Variants in GTF2IRD1 observed in about 807,000 individuals in gnomAD.
The protein encoded by GTF2IRD1 is GTF2I repeat domain containing 1.
In GTF2IRD1, 26 loss-of-function variants were observed where a neutral mutation model predicts 113.2. That is an observed-to-expected ratio of 0.23 (90% CI 0.17 to 0.32). The LOEUF is 0.32. Ranked by LOEUF, GTF2IRD1 falls within the 10% of genes least tolerant of loss-of-function variation. The probability of loss-of-function intolerance (pLI) is 1.00; values close to 1 mark genes in which losing one functional copy is unlikely to be tolerated. For synonymous variants in GTF2IRD1, 484 were observed against 529.1 expected, an observed-to-expected ratio of 0.91 and a Z score of 1.17; for missense variants, 864 against 1,280.8, an observed-to-expected ratio of 0.67 and a Z score of 4.97.
At chr7:74,477,767 C>T (rs1481362424) in intron 1 of GTF2IRD1, among the ~76,000 whole-genome samples, 2 of 150,494 alleles carry the variant, frequency 1.3e-5, no homozygotes, top group Non-Finnish European at 3.0e-5. Flanking sequence ...CCGGCTCAGG[C>T]GGGCAGGGCT....
At position 74,555,055 on chromosome 7, in the gene GTF2IRD1, T is replaced by C; in HGVS notation, c.1917-119T>C. On this transcript the variant is annotated intron_variant, in intron 17 of 26. Coordinates refer to ENST00000424337, the MANE Select transcript of GTF2IRD1 (RefSeq NM_005685.4). This position sits in a 1 kb window ranked among gnomAD's most constrained non-coding sequence, Gnocchi z 5.3. ...GGCGGCAGGGACTCCAGGCCTGAAC[T>C]ATGCATAGCCAGAAGGGTCCATTGC... 1.1e-6 allele frequency: 1 copy of C among 888,010 alleles called. No homozygotes were observed. Among genetic ancestry groups the C allele is most frequent in the South Asian group, 1.7e-5 (1 of 60,026 alleles). The allele number at this position is 888,010 out of a possible 1,614,324, so 55.0% of individuals were successfully genotyped here. A position where few individuals can be genotyped will look rare whatever the true frequency, so the allele number is the denominator to read the frequency against.
At chr7:74,556,612 G>A (rs1799610904) in intron 19 of GTF2IRD1, among the ~76,000 whole-genome samples, 2 of 140,630 alleles carry the variant, frequency 1.4e-5, no homozygotes, top group African/African-American at 5.3e-5. Context: ...ATGAACCACT[G>A]CACCCAGCTT....
intron 11 of GTF2IRD1, 23 bp downstream of exon 11, chr7:74,536,298 G>A (rs371585981): frequency 3.0e-5 from 44 of 1,462,188 alleles, no homozygotes; most frequent in Middle Eastern, 1.8e-4. Flanking sequence ...CCCTGGCCCC[G>A]GAGGCCCGCG....
At chr7:74,575,892 A>T (rs1554364406) in intron 22 of GTF2IRD1, among the ~76,000 whole-genome samples, 1 of 152,086 alleles carries the variant, frequency 6.6e-6, no homozygotes, top group Non-Finnish European at 1.5e-5. Flanking sequence ...AAGCCTTAAA[A>T]CAGGCCGGGT....
At position 74,535,224 on chromosome 7, in the gene GTF2IRD1, C is replaced by T. The variant is rs975282816; in HGVS notation, c.1300+86C>T. ...AGCTGCCACCACCCTGGACTTGGTC[C>T]TCCTGAGCGCCTCCCCTCAGGCAGG... On this transcript the variant is annotated intron_variant, in intron 10 of 26. Transcript: ENST00000424337. 7 of 1,037,376 alleles carry T rather than the reference C, an allele frequency of 6.7e-6. No individual in the cohort carries two copies. In the Admixed American group the frequency reaches 1.2e-4, roughly 18 times the overall value. The allele number at this position is 1,037,376 out of a possible 1,614,324, so 64.3% of individuals were successfully genotyped here.
At chr7:74,557,789 C>T in intron 20 of GTF2IRD1, 67 bp downstream of exon 20, 1 of 965,210 alleles carries the variant, frequency 1.0e-6, no homozygotes, top group East Asian at 2.5e-5. Context: ...GGAGGCTTCC[C>T]AGTTCCAGCC....
intron 1 of GTF2IRD1, among the ~76,000 whole-genome samples, chr7:74,496,580 ATGTGTGTGGGTGGG>A (rs1334080397): frequency 3.2e-5 from 3 of 93,374 alleles, no homozygotes; most frequent in African/African-American, 1.3e-4. Context: ...GTGGGTGTGC[ATGTGTGTGGGTGGG>A]TGTGGGTGTG....
At chr7:74,464,967 C>T (rs1166348429) in intron 1 of GTF2IRD1, among the ~76,000 whole-genome samples, 1 of 152,160 alleles carries the variant, frequency 6.6e-6, no homozygotes, top group Admixed American at 6.5e-5. Flanking sequence ...CCCTTGGGTG[C>T]TCCTGGGTGG....
chr7:74,562,736 T>G (rs1439510411), intron 22 of GTF2IRD1, among the ~76,000 whole-genome samples: 1 of 151,938 alleles, frequency 6.6e-6, no homozygotes. Context: ...TCCAGCTAAA[T>G]TTTTGTATTT....
At chr7:74,579,158 CA>C (rs1554365370) in intron 22 of GTF2IRD1, among the ~76,000 whole-genome samples, 1 of 152,032 alleles carries the variant, frequency 6.6e-6, no homozygotes, top group Non-Finnish European at 1.5e-5. Context: ...CCTGTCTCTA[CA>C]AAAATGTTAA....
intron 24 of GTF2IRD1, 126 bp from the exon 25 acceptor site, chr7:74,594,888 G>A: frequency 1.8e-6 from 1 of 549,542 alleles, no homozygotes; most frequent in Non-Finnish European, 3.4e-6. Context: ...GGAGGTGGAG[G>A]CTGCAGTGAG....
intron 19 of GTF2IRD1, among the ~76,000 whole-genome samples, chr7:74,556,323 CTTTG>C (rs1583876322): frequency 6.6e-6 from 1 of 151,180 alleles, no homozygotes; most frequent in Non-Finnish European, 1.5e-5. Context: ...TGGCACTTGT[CTTTG>C]TTTGTTTGTT....
At chr7:74,498,201 C>A (rs1795836578) in intron 1 of GTF2IRD1, among the ~76,000 whole-genome samples, 1 of 151,734 alleles carries the variant, frequency 6.6e-6, no homozygotes, top group South Asian at 2.1e-4. Flanking sequence ...TGATGTCTCG[C>A]TCTGTTGCCC....
At chr7:74,517,275 C>T (rs1044620948) in intron 4 of GTF2IRD1, among the ~76,000 whole-genome samples, 8 of 150,418 alleles carry the variant, frequency 5.3e-5, no homozygotes, top group East Asian at 3.9e-4. Flanking sequence ...CCACCTGCCT[C>T]GGTAATCCCA....
At chr7:74,539,759 A>AG (rs113606159) in intron 13 of GTF2IRD1, 120 bp from the exon 14 acceptor site, 3 of 639,000 alleles carry the variant, frequency 4.7e-6, no homozygotes, top group East Asian at 2.9e-5. Context: ...AAAAAAAAAA[A>AG]AGAGACAGAA....
chr7:74,497,252 T>G (rs1795784929), intron 1 of GTF2IRD1, among the ~76,000 whole-genome samples: 1 of 152,212 alleles, frequency 6.6e-6, no homozygotes, highest in Admixed American at 6.5e-5. Flanking sequence ...GAAAACAGGT[T>G]TACCAAGTGA....
rs587718550 is a variant in GTF2IRD1 at position 74,519,310 on chromosome 7, A to G, written c.606-99A>G. On this transcript the variant is annotated intron_variant, in intron 5 of 26. Coordinates refer to ENST00000424337, the MANE Select transcript of GTF2IRD1 (RefSeq NM_005685.4). Reference sequence around the variant, plus strand: ...GTCCTGCCCTCCTCATGGGGCTGTTATGTTCTGCAGAGGGCAGGGATGCGG... The same window carrying G: ...GTCCTGCCCTCCTCATGGGGCTGTTGTGTTCTGCAGAGGGCAGGGATGCGG... The G allele has an allele frequency of 3.2e-5, 24 of 748,472 alleles. No homozygotes were observed. The African/African-American group carries it at 3.6e-4, about 11-fold the overall frequency. The allele number at this position is 748,472 out of a possible 1,614,324, so 46.4% of individuals were successfully genotyped here.
chr7:74,580,904 T>C (rs1446863691), intron 22 of GTF2IRD1, among the ~76,000 whole-genome samples: 1 of 152,168 alleles, frequency 6.6e-6, no homozygotes, highest in East Asian at 1.9e-4. Flanking sequence ...CACTCTGAAA[T>C]GTTTGCAACT....
intron 22 of GTF2IRD1, among the ~76,000 whole-genome samples, chr7:74,583,998 A>AC (rs1801580007): frequency 6.6e-6 from 1 of 151,668 alleles, no homozygotes; most frequent in South Asian, 2.1e-4. Flanking sequence ...CCTGCTATAG[A>AC]CCCCCGTGGG....
Sources: gnomAD v4.1 joint callset for allele counts (sites outside exome capture counted in the v4.1 genomes callset) on GRCh38, gnomAD v4.1.1 for gene constraint, Gnocchi (gnomAD v3.1) non-coding constraint, MANE v1.5 for transcripts, NCBI Gene and HGNC (gene_info 2026-07-23, HGNC 2026-07-21) for gene names.